Variants in PYGB observed in about 807,000 individuals in gnomAD.
The protein encoded by PYGB is glycogen phosphorylase B.
Under a neutral mutation model 94.3 loss-of-function variants are expected in PYGB, and 82 were observed. That is an observed-to-expected ratio of 0.87 (90% CI 0.73 to 1.04). The LOEUF is 1.04. PYGB is among the 50% of genes least tolerant of loss of function. PYGB has a pLI of 0.00. For missense variants in PYGB, 1,132 were observed against 1,158.2 expected (o/e 0.98, Z 0.33); for synonymous variants, 488 against 479.1 (o/e 1.02, Z -0.24).
At chr20:25,255,046 C>G (rs1006897207) in intron 1 of PYGB, among the ~76,000 whole-genome samples, 9 of 152,220 alleles carry the variant, frequency 5.9e-5, no homozygotes, top group African/African-American at 2.2e-4. Context: ...GCCCACTGTT[C>G]ATGGGAAGCC....
chr20:25,260,474 T>A (rs2092910951), intron 2 of PYGB, among the ~76,000 whole-genome samples: 1 of 152,242 alleles, frequency 6.6e-6, no homozygotes, highest in African/African-American at 2.4e-5. Context: ...GGCAAGCATG[T>A]ATCCTTTTAA....
At position 25,294,814 on chromosome 20, in the gene PYGB, A is replaced by T. The variant is rs1170811349; in HGVS notation, c.2312+522A>T. ...TGGTATGGTTTATCTAGAGTTACAG[A>T]CTTTGTAAGGTTTGCAGCTCAGGGC... On this transcript the variant is annotated intron_variant, in intron 18 of 19. Transcript: ENST00000216962. 3 of 766,364 alleles carry T rather than the reference A, an allele frequency of 3.9e-6. No individual in the cohort carries two copies. The Admixed American group carries it at 5.8e-5, about 15-fold the overall frequency. The allele number at this position is 766,364 out of a possible 1,614,324, so 47.5% of individuals were successfully genotyped here. A position where few individuals can be genotyped will look rare whatever the true frequency, so the allele number is the denominator to read the frequency against.
rs199624283 is a variant in PYGB, at chr20:25,278,340, C to T, written c.877C>T (p.Arg293Trp). ...GCAGTTCTTTGAGGGGAAGGAGCTG[C>T]GGCTGAAGCAGGAGTACTTCGTGGT... Reference protein sequence around the residue: ...NDNFFEGKELRLKQEYFVVAA... With the variant: ...NDNFFEGKELWLKQEYFVVAA... The change falls in exon 8 of 20, where the codon CGG becomes TGG. Residue 293 changes from arginine to tryptophan, a missense_variant. Arg to Trp is a moderately radical substitution (Grantham distance 101, BLOSUM62 -3). Coordinates refer to ENST00000216962, the MANE Select transcript of PYGB (RefSeq NM_002862.4). 5.6e-6 allele frequency: 9 copies of T among 1,602,062 alleles called. No individual in the cohort carries two copies. Among genetic ancestry groups the T allele is most frequent in the Middle Eastern group, 1.7e-4 (1 of 5,946 alleles).
intron 16 of PYGB, among the ~76,000 whole-genome samples, chr20:25,291,638 C>G (rs1251378500): frequency 6.6e-6 from 1 of 152,324 alleles, no homozygotes; most frequent in South Asian, 2.1e-4. Flanking sequence ...CCCTGCTCCT[C>G]TGACCGAAGC....
chr20:25,282,013 C>T lies in PYGB; in HGVS notation c.1404-20C>T, dbSNP rs1397933364. ...CAGGGCACAGCATTTGTGACAGTTC[C>T]CTGTTCTCTGTGTTTGCAGCTTTAA... On this transcript the variant is annotated intron_variant, in intron 11 of 19. Transcript: ENST00000216962. The T allele has an allele frequency of 1.9e-6, 3 of 1,583,294 alleles. No individual in the cohort carries two copies. The South Asian group carries it at 3.3e-5, about 18-fold the overall frequency.
chr20:25,262,716 G>A (rs932186306), intron 2 of PYGB, among the ~76,000 whole-genome samples: 1 of 151,474 alleles, frequency 6.6e-6, no homozygotes, highest in Non-Finnish European at 1.5e-5. Context: ...GTATTCAGGA[G>A]ACCCATCTCA....
chr20:25,283,000 G>A (rs1316469032), intron 12 of PYGB, among the ~76,000 whole-genome samples, 176 bp from the exon 13 acceptor site: 1 of 152,144 alleles, frequency 6.6e-6, no homozygotes, highest in Non-Finnish European at 1.5e-5. Flanking sequence ...AGAAGAGGAA[G>A]GAGGGGCTGC....
At chr20:25,285,864 A>C (rs2088413680) in intron 14 of PYGB, among the ~76,000 whole-genome samples, 1 of 152,156 alleles carries the variant, frequency 6.6e-6, no homozygotes, top group South Asian at 2.1e-4. Flanking sequence ...AGTGCTGCCC[A>C]GCCCTGCTGG....
chr20:25,260,773 C>T (rs1279109697), intron 2 of PYGB, among the ~76,000 whole-genome samples: 1 of 152,206 alleles, frequency 6.6e-6, no homozygotes, highest in African/African-American at 2.4e-5. Flanking sequence ...TCAGATCACT[C>T]CCACCCTAAT....
intron 15 of PYGB, among the ~76,000 whole-genome samples, chr20:25,290,256 G>A (rs2088453867): frequency 6.6e-6 from 1 of 152,204 alleles, no homozygotes; most frequent in Non-Finnish European, 1.5e-5. Flanking sequence ...AACCAGACTT[G>A]AGGCGGACAC....
chr20:25,296,325 C>G, intron 19 of PYGB, 45 bp from the exon 20 acceptor site: 1 of 1,610,096 alleles, frequency 6.2e-7, no homozygotes, highest in Non-Finnish European at 8.5e-7. Flanking sequence ...TTAGCAGCCC[C>G]AAGCCCTGTG....
chr20:25,289,899 G>T (rs1298625430), intron 15 of PYGB: 1 of 533,440 alleles, frequency 1.9e-6, no homozygotes, highest in Non-Finnish European at 3.8e-6. Flanking sequence ...GCATTGGACA[G>T]GAGTCCTCCG....
intron 18 of PYGB, among the ~76,000 whole-genome samples, chr20:25,294,535 G>A (rs2088509721): frequency 6.6e-6 from 1 of 152,248 alleles, no homozygotes; most frequent in African/African-American, 2.4e-5. Flanking sequence ...CAGCCCCCAG[G>A]CCTTGTGGAC....
At chr20:25,250,315 A>C (rs1253568442) in intron 1 of PYGB, among the ~76,000 whole-genome samples, 2 of 152,222 alleles carry the variant, frequency 1.3e-5, no homozygotes, top group South Asian at 2.1e-4. Context: ...CGATGGGCTC[A>C]GGGATTACGG....
chr20:25,268,322 C>G (rs909440437), intron 2 of PYGB, among the ~76,000 whole-genome samples: 1 of 151,472 alleles, frequency 6.6e-6, no homozygotes, highest in Non-Finnish European at 1.5e-5. Flanking sequence ...TCATTTGTAA[C>G]TTTGCTGTTG....
At position 25,248,420 on chromosome 20, in the gene PYGB, A is replaced by G. The variant is rs763409498; in HGVS notation, c.242A>G (p.Lys81Arg). 4.0e-6 allele frequency: 6 copies of G among 1,516,164 alleles called. No homozygotes were observed. Among genetic ancestry groups the G allele is most frequent in the East Asian group, 2.7e-5 (1 of 36,750 alleles). The allele number at this position is 1,516,164 out of a possible 1,614,324, so 93.9% of individuals were successfully genotyped here. A position where few individuals can be genotyped will look rare whatever the true frequency, so the allele number is the denominator to read the frequency against. The change falls in exon 1 of 20, where the codon AAG becomes AGG. Residue 81 changes from lysine to arginine, a missense_variant and splice_region_variant. Lys to Arg is a conservative substitution (Grantham distance 26). Transcript: ENST00000216962. ...TQQHYYERDPKRIYYLSLEFY... is the reference protein window; with the variant it reads ...TQQHYYERDPRRIYYLSLEFY... ...CAGCACTACTACGAGCGCGACCCCA[A>G]GGTGAGGCGCTGCCCCGCCCTGTGC...
intron 14 of PYGB, among the ~76,000 whole-genome samples, chr20:25,287,086 T>A (rs1568696965): frequency 6.6e-6 from 1 of 152,164 alleles, no homozygotes; most frequent in East Asian, 1.9e-4. Context: ...TGGCCGCTCA[T>A]CCCCTTTTTG....
chr20:25,249,577 T>TA (rs1289142607), intron 1 of PYGB, among the ~76,000 whole-genome samples: 1 of 152,246 alleles, frequency 6.6e-6, no homozygotes, highest in East Asian at 1.9e-4. Context: ...GGCATTAAGA[T>TA]ATGTTTAATA....
chr20:25,277,798 G>A (rs1015516474), intron 7 of PYGB, among the ~76,000 whole-genome samples: 1 of 152,250 alleles, frequency 6.6e-6, no homozygotes, highest in Non-Finnish European at 1.5e-5. Context: ...CTAGGTGATG[G>A]TGTCGCAGCC....
Sources: gnomAD v4.1 joint callset for allele counts (sites outside exome capture counted in the v4.1 genomes callset) on GRCh38, gnomAD v4.1.1 for gene constraint, MANE v1.5 for transcripts, NCBI Gene and HGNC (gene_info 2026-07-23, HGNC 2026-07-21) for gene names.